Variants in SLC16A7 observed in about 807,000 individuals in gnomAD.
SLC16A7 encodes the protein solute carrier family 16 member 7, also known as monocarboxylate transporter 2.
A neutral mutation model predicts 34.9 loss-of-function variants in SLC16A7; 33 were observed. The ratio of observed to expected loss-of-function variants is 0.94; its 90% CI spans 0.72 to 1.26. SLC16A7 has a LOEUF of 1.26. Ranked by LOEUF, SLC16A7 falls within the 50% of genes most tolerant of loss-of-function variation. The pLI, the probability that SLC16A7 is intolerant of heterozygous loss-of-function variation, is 0.00. For missense variants in SLC16A7, 573 were observed against 578.1 expected, an observed-to-expected ratio of 0.99 and a Z score of 0.09; for synonymous variants, 201 against 206.6, an observed-to-expected ratio of 0.97 and a Z score of 0.23.
At chr12:59,667,461 G>T (rs562269349) in intron 2 of SLC16A7, among the ~76,000 whole-genome samples, 37 of 152,294 alleles carry the variant, frequency 2.4e-4, no homozygotes, top group Admixed American at 1.8e-3. Context: ...TGAGGAACTT[G>T]TTGGGAATTG....
In SLC16A7 at chr12:59,749,286, T is replaced by C. The variant is rs115163521; in HGVS notation, c.218-21933T>C. On this transcript the variant is annotated intron_variant, in intron 3 of 5. Coordinates refer to ENST00000547379, the MANE Select transcript of SLC16A7 (RefSeq NM_001270623.2). Reference sequence around the variant, plus strand: ...AAGATCAACACCAGCTGCCAGTCTTTTTGCTGTACAACAAGAAGGCCTGGA... The same window carrying C: ...AAGATCAACACCAGCTGCCAGTCTTCTTGCTGTACAACAAGAAGGCCTGGA... Among the ~76,000 whole-genome samples the C allele has an allele frequency of 1.7e-3, 266 of 152,312 alleles. 1 individual carries two copies. The highest frequency in any genetic ancestry group is 5.8e-3 in the African/African-American group (242 of 41,570).
chr12:59,717,699 A>G (rs1016361490), intron 3 of SLC16A7, among the ~76,000 whole-genome samples: 1 of 152,216 alleles, frequency 6.6e-6, no homozygotes, highest in African/African-American at 2.4e-5. Flanking sequence ...TCCCTAACAA[A>G]ATAGTCTCAC....
intron 1 of SLC16A7, among the ~76,000 whole-genome samples, chr12:59,652,883 G>A (rs191668673): frequency 7.2e-5 from 11 of 151,864 alleles, no homozygotes; most frequent in African/African-American, 2.4e-4. Flanking sequence ...TGCTTCAGAA[G>A]GTCAGGTATT....
At chr12:59,759,935 A>G (rs1880828340) in intron 3 of SLC16A7, among the ~76,000 whole-genome samples, 1 of 151,950 alleles carries the variant, frequency 6.6e-6, no homozygotes, top group African/African-American at 2.4e-5. Flanking sequence ...TTATGTGTAG[A>G]TCAAAAATAG....
chr12:59,727,198 T>C (rs1233824577), intron 3 of SLC16A7, among the ~76,000 whole-genome samples: 3 of 144,184 alleles, frequency 2.1e-5, no homozygotes, highest in African/African-American at 5.5e-5. Flanking sequence ...TTAGAAGGAG[T>C]AAAACTACAT....
intron 3 of SLC16A7, among the ~76,000 whole-genome samples, chr12:59,734,424 C>T (rs959423051): frequency 1.3e-5 from 2 of 152,222 alleles, no homozygotes; most frequent in African/African-American, 4.8e-5. Context: ...CAGGAGCAGG[C>T]ACTTCTGAGC....
intron 3 of SLC16A7, among the ~76,000 whole-genome samples, chr12:59,726,025 T>G (rs1876192313): frequency 6.6e-6 from 1 of 152,164 alleles, no homozygotes; most frequent in Non-Finnish European, 1.5e-5. Flanking sequence ...ATTCTAATCT[T>G]GTATGGAATA....
chr12:59,704,219 G>GAAAAAAAAAAA (rs1565659929), intron 2 of SLC16A7, among the ~76,000 whole-genome samples: 1 of 114,474 alleles, frequency 8.7e-6, no homozygotes, highest in African/African-American at 3.5e-5. Context: ...AAAAAAAAAA[G>GAAAAAAAAAAA]AAAAAGAAAA....
intron 4 of SLC16A7, among the ~76,000 whole-genome samples, chr12:59,773,562 C>T (rs934318849): frequency 4.0e-5 from 6 of 151,280 alleles, no homozygotes; most frequent in African/African-American, 1.5e-4. Context: ...TTTATATAAA[C>T]CAATGTACTT....
intron 3 of SLC16A7, among the ~76,000 whole-genome samples, chr12:59,741,008 C>T (rs556765386): frequency 3.3e-5 from 5 of 152,060 alleles, no homozygotes; most frequent in African/African-American, 9.7e-5. Flanking sequence ...TTACAAGGGA[C>T]GTGAAGGACC....
chr12:59,644,438 A>C (rs1428162343), intron 1 of SLC16A7, among the ~76,000 whole-genome samples: 1 of 152,084 alleles, frequency 6.6e-6, no homozygotes, highest in Non-Finnish European at 1.5e-5. Context: ...ATGTTGGCGC[A>C]TGCCTGTAAT....
At chr12:59,730,996 C>T (rs538491720) in intron 3 of SLC16A7, among the ~76,000 whole-genome samples, 1 of 152,084 alleles carries the variant, frequency 6.6e-6, no homozygotes, top group African/African-American at 2.4e-5. Context: ...AAATCTAAAG[C>T]ATACATGTTT....
rs556437794 is a variant in SLC16A7 at position 59,633,054 on chromosome 12, T to C, written c.-129-22098T>C. Among the ~76,000 whole-genome samples the C allele has an allele frequency of 7.9e-5, 12 of 152,108 alleles. No homozygotes were observed. The South Asian group carries it at 1.0e-3, about 13-fold the overall frequency. ...TTGCATTGAAGAATAATAATTCTGA[T>C]GTTCATCCGGGGGTGGATATGACAA... On this transcript the variant is annotated intron_variant, in intron 1 of 5. Transcript: ENST00000547379.
intron 2 of SLC16A7, among the ~76,000 whole-genome samples, chr12:59,672,935 A>G (rs1870009494): frequency 1.3e-5 from 2 of 152,162 alleles, no homozygotes; most frequent in African/African-American, 2.4e-5. Flanking sequence ...CTGCAAGTGT[A>G]CTTTATAGTA....
chr12:59,730,073 C>G (rs1487925252), intron 3 of SLC16A7, among the ~76,000 whole-genome samples: 1 of 152,092 alleles, frequency 6.6e-6, no homozygotes, highest in Admixed American at 6.6e-5. Context: ...TTTGAAATTT[C>G]AGGACTCAGG....
chr12:59,664,150 AAAAT>A (rs1290244467), intron 2 of SLC16A7, among the ~76,000 whole-genome samples: 2 of 152,114 alleles, frequency 1.3e-5, no homozygotes, highest in Non-Finnish European at 2.9e-5. Context: ...TCCCCATAGG[AAAAT>A]ATTTATCATA....
Position 59,774,820 on chromosome 12 carries a change from A to G in SLC16A7, c.525A>G (p.Lys175=). ...NQYLFNTFGW[K]GSFLILGSLL... Reference sequence around the variant, plus strand: ...ACCTTTTTAATACTTTTGGCTGGAAAGGAAGCTTCCTGATTTTGGGAAGTC... The same window carrying G: ...ACCTTTTTAATACTTTTGGCTGGAAGGGAAGCTTCCTGATTTTGGGAAGTC... Residue 175 remains lysine (K), a synonymous_variant, in exon 5 of 6, where the codon AAA becomes AAG. Transcript: ENST00000547379. The G allele has an allele frequency of 6.2e-7, 1 of 1,613,910 alleles. No homozygotes were observed. Among genetic ancestry groups the G allele is most frequent in the Non-Finnish European group, 8.5e-7 (1 of 1,179,958 alleles).
intron 2 of SLC16A7, among the ~76,000 whole-genome samples, chr12:59,667,446 G>A (rs1259291943): frequency 1.3e-5 from 2 of 152,206 alleles, no homozygotes; most frequent in Non-Finnish European, 2.9e-5. Context: ...GGTCTCAGAT[G>A]GAGATGAGGA....
intron 3 of SLC16A7, among the ~76,000 whole-genome samples, chr12:59,750,010 A>G (rs952496922): frequency 6.6e-6 from 1 of 152,214 alleles, no homozygotes; most frequent in Non-Finnish European, 1.5e-5. Flanking sequence ...CTGGCAAGCC[A>G]TATACAGAAA....
Sources: allele counts gnomAD v4.1 joint callset (sites outside exome capture counted in the v4.1 genomes callset), GRCh38; gene constraint gnomAD v4.1.1; transcripts MANE v1.5; gene names NCBI Gene and HGNC (gene_info 2026-07-23, HGNC 2026-07-21).